SRRM3: variants seen among roughly 807,000 people sequenced by gnomAD.
SRRM3 encodes serine/arginine repetitive matrix 3.
In SRRM3, 27 loss-of-function variants were observed where a neutral mutation model predicts 66.2. That is an observed-to-expected ratio of 0.41 (90% confidence interval 0.30 to 0.56). SRRM3 has a LOEUF of 0.56. SRRM3 is among the 20% of genes least tolerant of loss of function. The pLI is 0.32. For missense variants in SRRM3, 918 were observed against 991.9 expected (o/e 0.93, Z 1.00); for synonymous variants, 391 against 414.9 (o/e 0.94, Z 0.70).
chr7:76,253,819 T>C (rs1183405038), intron 3 of SRRM3, among the ~76,000 whole-genome samples: 3 of 148,260 alleles, frequency 2.0e-5, no homozygotes, highest in Non-Finnish European at 3.0e-5. Flanking sequence ...AAGGACATTG[T>C]TCTTAGTGAC....
Position 76,285,922 on chromosome 7 carries a change from G to C in SRRM3, c.*79G>C. On this transcript the variant is annotated 3_prime_UTR_variant, in exon 15 of 15. Transcript: ENST00000611745. This position sits in a 1 kb window ranked among gnomAD's most constrained non-coding sequence, Gnocchi z 4.1. Reference sequence around the variant, plus strand: ...GGCCCCAGGACCCCAGTGGGGAGGGGGCTATATCTCCTTGCCCCCAAGGCT... The same window carrying C: ...GGCCCCAGGACCCCAGTGGGGAGGGCGCTATATCTCCTTGCCCCCAAGGCT... 13 of 1,411,768 alleles carry C rather than the reference G, an allele frequency of 9.2e-6. No homozygotes were observed. Among genetic ancestry groups the C allele is most frequent in the Non-Finnish European group, 1.2e-5 (13 of 1,050,136 alleles). The allele number at this position is 1,411,768 out of a possible 1,614,324, so 87.5% of individuals were successfully genotyped here. A position where few individuals can be genotyped will look rare whatever the true frequency, so the allele number is the denominator to read the frequency against.
At chr7:76,253,414 G>A (rs555203604) in intron 3 of SRRM3, among the ~76,000 whole-genome samples, 1 of 152,102 alleles carries the variant, frequency 6.6e-6, no homozygotes, top group South Asian at 2.1e-4. Flanking sequence ...GAGGTCAGGA[G>A]TTCGAGACCA....
chr7:76,223,659 G>A (rs1800777569), intron 1 of SRRM3, among the ~76,000 whole-genome samples: 1 of 151,978 alleles, frequency 6.6e-6, no homozygotes, highest in Non-Finnish European at 1.5e-5. Context: ...GCACATCCTT[G>A]CCCACCTGCT....
chr7:76,233,221 G>A lies in SRRM3; in HGVS notation c.-39-1807G>A, dbSNP rs572168976. Among the ~76,000 whole-genome samples, 3 of 152,308 alleles carry A rather than the reference G, an allele frequency of 2.0e-5. No individual in the cohort carries two copies. In the South Asian group the frequency reaches 6.2e-4, roughly 32 times the overall value. On this transcript the variant is annotated intron_variant, in intron 1 of 14. Coordinates refer to ENST00000611745, the MANE Select transcript of SRRM3 (RefSeq NM_001110199.3). ...AGCTACTGGGGAGACTGAGGTGGGA[G>A]GATATCGCTTGAGCTCAGGAGTTCA...
intron 1 of SRRM3, among the ~76,000 whole-genome samples, chr7:76,214,762 C>A (rs886932090): frequency 6.6e-6 from 1 of 151,892 alleles, no homozygotes; most frequent in Non-Finnish European, 1.5e-5. Context: ...GACTGAGAAA[C>A]TTTCCTTTTT....
At position 76,261,542 on chromosome 7, in the gene SRRM3, A is replaced by G. The variant is rs782638351; in HGVS notation, c.639-4A>G. On this transcript the variant is annotated splice_region_variant and splice_polypyrimidine_tract_variant and intron_variant, in intron 7 of 14. Coordinates refer to ENST00000611745, the MANE Select transcript of SRRM3 (RefSeq NM_001110199.3). ...CTCAAGAGAACTCCTTTATCGCCCT[A>G]CAGGTCTGATTCTGGGTCCCGGAGG... 2.5e-6 allele frequency: 4 copies of G among 1,610,344 alleles called. No homozygotes were observed. Among genetic ancestry groups the G allele is most frequent in the South Asian group, 1.1e-5 (1 of 90,466 alleles).
intron 1 of SRRM3, among the ~76,000 whole-genome samples, chr7:76,220,516 G>A (rs1423132319): frequency 9.9e-5 from 15 of 152,132 alleles, no homozygotes; most frequent in African/African-American, 3.4e-4. Context: ...CTGCAGGCTC[G>A]CCCTCTCTGC....
rs569380099 is a variant in SRRM3, at chr7:76,256,564, C to A, written c.336-3342C>A. Among the ~76,000 whole-genome samples the A allele has an allele frequency of 1.7e-4, 26 of 151,788 alleles. 1 individual carries two copies. In the East Asian group the frequency reaches 4.8e-3, roughly 28 times the overall value. Reference sequence around the variant, plus strand: ...GAGCAGCCCCGAGGGCTGCTGGTTGCCCATTTATATTGTTATTTCTTGATG... The same window carrying A: ...GAGCAGCCCCGAGGGCTGCTGGTTGACCATTTATATTGTTATTTCTTGATG... On this transcript the variant is annotated intron_variant, in intron 3 of 14. Coordinates refer to ENST00000611745, the MANE Select transcript of SRRM3 (RefSeq NM_001110199.3).
chr7:76,204,427 G>A (rs1194040928), intron 1 of SRRM3, among the ~76,000 whole-genome samples: 2 of 152,172 alleles, frequency 1.3e-5, no homozygotes, highest in Admixed American at 6.5e-5. Context: ...AGGTGCTGCT[G>A]TCTCCCTTTC....
chr7:76,260,101 GC>G lies in SRRM3; in HGVS notation c.465-12del, dbSNP rs1801816876. 2.4e-6 allele frequency: 1 copy of G among 414,708 alleles called. No homozygotes were observed. Among genetic ancestry groups the G allele is most frequent in the Non-Finnish European group, 3.0e-6 (1 of 335,814 alleles). The allele number at this position is 414,708 out of a possible 1,614,324, so 25.7% of individuals were successfully genotyped here. ...GCCCCCCCTCACCGCCCCCACCCCCGCCCCTTCTCCCCCAGGACCAAGCATT... is the reference window on the plus strand; with the variant it reads ...GCCCCCCCTCACCGCCCCCACCCCCGCCCTTCTCCCCCAGGACCAAGCATT... On this transcript the variant is annotated splice_polypyrimidine_tract_variant and intron_variant, in intron 4 of 14. Transcript: ENST00000611745.
intron 1 of SRRM3, among the ~76,000 whole-genome samples, chr7:76,220,166 C>T (rs1490235978): frequency 6.6e-6 from 1 of 152,194 alleles, no homozygotes; most frequent in Non-Finnish European, 1.5e-5. Context: ...CTGTGCTGAG[C>T]ACTAGGGATA....
At chr7:76,254,382 G>A (rs1045106841) in intron 3 of SRRM3, among the ~76,000 whole-genome samples, 2 of 152,050 alleles carry the variant, frequency 1.3e-5, no homozygotes, top group Admixed American at 1.3e-4. Context: ...GCAACGGCAC[G>A]ATCTTGGCTC....
chr7:76,239,547 T>C (rs1801231474), intron 2 of SRRM3, among the ~76,000 whole-genome samples: 1 of 151,886 alleles, frequency 6.6e-6, no homozygotes, highest in Non-Finnish European at 1.5e-5. Context: ...AAAAAAAATT[T>C]TTTTAACTAG....
chr7:76,221,411 G>A (rs1179437942), intron 1 of SRRM3, among the ~76,000 whole-genome samples: 1 of 135,716 alleles, frequency 7.4e-6, no homozygotes, highest in East Asian at 2.2e-4. Flanking sequence ...CGCCCAGGCT[G>A]GAGTGCAGTG....
At chr7:76,210,728 G>A (rs782448599) in intron 1 of SRRM3, among the ~76,000 whole-genome samples, 4 of 152,138 alleles carry the variant, frequency 2.6e-5, no homozygotes, top group Non-Finnish European at 4.4e-5. Context: ...CTGCACTCCA[G>A]CCTGGGCAAC....
intron 3 of SRRM3, among the ~76,000 whole-genome samples, chr7:76,256,716 CT>C (rs781795981): frequency 0.03 from 3,950 of 133,526 alleles, 144 homozygotes; most frequent in African/African-American, 0.097. Context: ...GCTTCTTTTT[CT>C]TTTTTTTTTT....
chr7:76,243,894 C>G (rs1554605880), intron 2 of SRRM3, among the ~76,000 whole-genome samples: 1 of 152,246 alleles, frequency 6.6e-6, no homozygotes, highest in East Asian at 1.9e-4. Context: ...CTCTCTGCCT[C>G]TGCTGGGGGG....
chr7:76,260,572 C>A (rs1050462346), intron 5 of SRRM3, among the ~76,000 whole-genome samples: 5 of 144,098 alleles, frequency 3.5e-5, no homozygotes, highest in Non-Finnish European at 7.6e-5. Context: ...CTCCCCTTAT[C>A]TGGGATCCGC....
At position 76,285,763 on chromosome 7, in the gene SRRM3, C is replaced by T. The variant is rs552832632; in HGVS notation, c.1882C>T (p.Arg628Cys). 39 of 1,550,856 alleles carry T rather than the reference C, an allele frequency of 2.5e-5. No homozygotes were observed. The East Asian group carries it at 8.8e-4, about 35-fold the overall frequency. Residue 628 changes from arginine to cysteine, a missense_variant, in exon 15 of 15, where the codon CGC becomes TGC. Physicochemically the swap from Arg to Cys is radical, Grantham distance 180 (BLOSUM62 -3). Transcript: ENST00000611745. This position sits in a 1 kb window ranked among gnomAD's most constrained non-coding sequence, Gnocchi z 4.1. ...GSYSSRSHGT[R>C]SRTRSPSRTP... ...CTACAGCAGTCGCAGCCATGGGACC[C>T]GCAGCCGGACACGCAGCCCCTCGAG...
Sources: allele counts gnomAD v4.1 joint callset (sites outside exome capture counted in the v4.1 genomes callset), GRCh38; gene constraint gnomAD v4.1.1; non-coding constraint Gnocchi (gnomAD v3.1); transcripts MANE v1.5; gene names NCBI Gene and HGNC (gene_info 2026-07-23, HGNC 2026-07-21).